Variants in ARHGEF1 observed in about 807,000 individuals in gnomAD.
The protein encoded by ARHGEF1 is 115 kDa guanine nucleotide exchange factor.
Under a neutral mutation model 119.7 loss-of-function variants are expected in ARHGEF1, and 40 were observed. That is an observed-to-expected ratio of 0.33 (90% confidence interval 0.26 to 0.44). The LOEUF (loss-of-function observed/expected upper bound fraction) is 0.44, where lower values mean the gene tolerates loss of function less well. Among genes scored for constraint, ARHGEF1 ranks in the 20% least tolerant of loss-of-function variants. The pLI, the probability that ARHGEF1 is intolerant of heterozygous loss-of-function variation, is 1.00. For missense variants in ARHGEF1, 976 were observed against 1,268.3 expected, an observed-to-expected ratio of 0.77 and a Z score of 3.50; for synonymous variants, 494 against 521.0, an observed-to-expected ratio of 0.95 and a Z score of 0.71.
In ARHGEF1 at chr19:41,892,341, T is replaced by A; in HGVS notation, c.335T>A (p.Val112Glu). The A allele has an allele frequency of 1.9e-6, 3 of 1,613,966 alleles. No individual in the cohort carries two copies. Among genetic ancestry groups the A allele is most frequent in the Non-Finnish European group, 2.5e-6 (3 of 1,180,024 alleles). ...CTCTCTCTTGAGCAGGTTCTCCGGG[T>A]GCCGGTCCCTCCCAACGTCGCCTTT... ...SFLEKTAVLRVPVPPNVAFEL... is the reference protein window; with the variant it reads ...SFLEKTAVLREPVPPNVAFEL... Residue 112 changes from valine (V) to glutamate (E), a missense_variant, in exon 6 of 29, where the codon GTG becomes GAG. By Grantham distance (121) the Val-to-Glu change is moderately radical. Around this residue, in one of 3 missense-constraint regions of ARHGEF1, gnomAD observed 519 missense variants for 580.9 expected, o/e 0.89. Transcript: ENST00000354532. The surrounding 1 kb of genome is among the most constrained non-coding windows in gnomAD (Gnocchi z 6.3).
At position 41,905,473 on chromosome 19, in the gene ARHGEF1, C is replaced by CGTGTATGGTGTGT; in HGVS notation, c.2336+220_2336+232dup. Reference sequence around the variant, plus strand: ...GCATGTGTGCGTGTGCATGTGTGTGCGTGTATGGTGTGTGTGTATGCATAT... The same window carrying CGTGTATGGTGTGT: ...GCATGTGTGCGTGTGCATGTGTGTGCGTGTATGGTGTGTGTGTATGGTGTGTGTGTATGCATAT... On this transcript the variant is annotated intron_variant, in intron 24 of 28. Transcript: ENST00000354532. This position sits in a 1 kb window ranked among gnomAD's most constrained non-coding sequence, Gnocchi z 6.4. 1.6e-6 allele frequency: 1 copy of CGTGTATGGTGTGT among 614,054 alleles called. No individual in the cohort carries two copies. Among genetic ancestry groups the CGTGTATGGTGTGT allele is most frequent in the Non-Finnish European group, 2.9e-6 (1 of 349,452 alleles). 38.0% of individuals were successfully genotyped at this position (614,054 alleles called of 1,614,324 possible). A position where few individuals can be genotyped will look rare whatever the true frequency, so the allele number is the denominator to read the frequency against.
chr19:41,903,430 C>G lies in ARHGEF1; in HGVS notation c.1839+23C>G. ...CTGGTGAGCCTGGGCTGGCCCCACA[C>G]CCGGGACAGTGGATGGTGTGAGAGC... On this transcript the variant is annotated intron_variant, in intron 19 of 28. Coordinates refer to ENST00000354532, the MANE Select transcript of ARHGEF1 (RefSeq NM_004706.4). This position sits in a 1 kb window ranked among gnomAD's most constrained non-coding sequence, Gnocchi z 4.2. The G allele has an allele frequency of 6.2e-7, 1 of 1,608,384 alleles. No homozygotes were observed. The highest frequency in any genetic ancestry group is 8.5e-7 in the Non-Finnish European group (1 of 1,175,366).
intron 18 of ARHGEF1, among the ~76,000 whole-genome samples, chr19:41,913,886 AG>A (rs2074769921): frequency 7.7e-6 from 1 of 129,604 alleles, no homozygotes. Context: ...CCCTCCCCTC[AG>A]GCACTTCAGC....
chr19:41,890,529 C>T (rs1977477874), intron 4 of ARHGEF1: 2 of 152,068 alleles, frequency 1.3e-5, no homozygotes, highest in African/African-American at 4.8e-5. Context: ...GCATATAATC[C>T]CAGCACTTTG....
chr19:41,915,865 C>T (rs76496218), intron 18 of ARHGEF1, among the ~76,000 whole-genome samples: 3,485 of 152,266 alleles, frequency 0.023, 138 homozygotes, highest in African/African-American at 0.078. Flanking sequence ...CCTGGCAGGA[C>T]GGCCGGACAG....
rs140922185 is a variant in ARHGEF1 at position 41,896,234 on chromosome 19, C to T, written c.1016-143C>T. 3.4e-3 allele frequency: 1,543 copies of T among 449,508 alleles called. 13 individuals are homozygous for T. The highest frequency in any genetic ancestry group is 0.017 in the African/African-American group (821 of 49,468). The allele number at this position is 449,508 out of a possible 1,614,324, so 27.8% of individuals were successfully genotyped here. ...TGTTCTGAGAGGTCTTAACATCTGTCCGTCCCGTGCTGAAGTACAGAGCAG... is the reference window on the plus strand; with the variant it reads ...TGTTCTGAGAGGTCTTAACATCTGTTCGTCCCGTGCTGAAGTACAGAGCAG... On this transcript the variant is annotated intron_variant, in intron 12 of 28. Coordinates refer to ENST00000354532, the MANE Select transcript of ARHGEF1 (RefSeq NM_004706.4).
intron 8 of ARHGEF1, among the ~76,000 whole-genome samples, chr19:41,893,959 G>GGGA (rs1465167753): frequency 6.6e-6 from 1 of 151,788 alleles, no homozygotes; most frequent in Non-Finnish European, 1.5e-5. Context: ...CTGGGTCTGA[G>GGGA]GGAGGAGGAG....
In ARHGEF1 at chr19:41,894,382, A is replaced by G. The variant is rs991215252; in HGVS notation, c.745-69A>G. On this transcript the variant is annotated intron_variant, in intron 9 of 28. Transcript: ENST00000354532. ...GGGAGCCTCATGACTCTGGATACCT[A>G]GCGTCAAATTCTGCTTTGTTGTTGT... 8.6e-5 allele frequency: 131 copies of G among 1,517,972 alleles called. 1 individual carries two copies. The Admixed American group carries it at 2.7e-3, about 32-fold the overall frequency. The allele number at this position is 1,517,972 out of a possible 1,614,324, so 94.0% of individuals were successfully genotyped here.
In ARHGEF1 at chr19:41,916,513, GAAAC is replaced by G. The variant is rs1395739322; in HGVS notation, c.1866-6575_1866-6572del. ...TGACACATCAATTCAATCTCACACA[GAAAC>G]AAAGACACAAAATCACAAATCCTAG... On this transcript the variant is annotated intron_variant, in intron 18 of 20. Transcript: ENST00000599589. This position sits in a 1 kb window ranked among gnomAD's most constrained non-coding sequence, Gnocchi z 5.4. Among the ~76,000 whole-genome samples the G allele has an allele frequency of 2.0e-5, 3 of 151,924 alleles. No individual in the cohort carries two copies. Among genetic ancestry groups the G allele is most frequent in the Non-Finnish European group, 1.5e-5 (1 of 67,982 alleles).
Position 41,903,166 on chromosome 19 carries a change from C to T in ARHGEF1, c.1739-141C>T. 1.4e-6 allele frequency: 1 copy of T among 737,238 alleles called. No homozygotes were observed. Among genetic ancestry groups the T allele is most frequent in the South Asian group, 1.7e-5 (1 of 58,468 alleles). 45.7% of individuals were successfully genotyped at this position (737,238 alleles called of 1,614,324 possible). A position where few individuals can be genotyped will look rare whatever the true frequency, so the allele number is the denominator to read the frequency against. On this transcript the variant is annotated intron_variant, in intron 18 of 28. Coordinates refer to ENST00000354532, the MANE Select transcript of ARHGEF1 (RefSeq NM_004706.4). This position sits in a 1 kb window ranked among gnomAD's most constrained non-coding sequence, Gnocchi z 4.2. ...TGAACTCCTGGTCTCAAGCTATCCT[C>T]CCGCCTCAGCCTCCCAAAGTGCTTG...
intron 1 of ARHGEF1, among the ~76,000 whole-genome samples, chr19:41,885,017 C>T (rs1348726115): frequency 6.6e-6 from 1 of 152,124 alleles, no homozygotes; most frequent in African/African-American, 2.4e-5. Context: ...CATTATAGAC[C>T]CTGAGACCTC....
chr19:41,919,734 C>T (rs1555852259), upstream of ARHGEF1, among the ~76,000 whole-genome samples: 2 of 152,206 alleles, frequency 1.3e-5, no homozygotes, highest in East Asian at 3.8e-4. Flanking sequence ...GTCGCACTCA[C>T]TTGGTCCTTC....
At chr19:41,927,088 A>T (rs1599682912) in intron 1 of ARHGEF1, among the ~76,000 whole-genome samples, 1 of 151,958 alleles carries the variant, frequency 6.6e-6, no homozygotes, top group South Asian at 2.1e-4. Flanking sequence ...GAAGAGAGAG[A>T]TGCTGTGAGA....
chr19:41,894,546 G>C lies in ARHGEF1; in HGVS notation c.840G>C (p.Gln280His). The change falls in exon 10 of 29, where the codon CAG becomes CAC. Residue 280 changes from glutamine (Q) to histidine (H), a missense_variant and splice_region_variant. By Grantham distance (24) the Gln-to-His change is conservative. Coordinates refer to ENST00000354532, the MANE Select transcript of ARHGEF1 (RefSeq NM_004706.4). ...CCCGCTGGAACCGGGGAGAGCCCCA[G>C]GGTAAGGCGGCTCTGGCCTCTGCCC... ...DAARWNRGEP[Q>H]VPDFRHLKAE... 6.2e-7 allele frequency: 1 copy of C among 1,613,560 alleles called. No homozygotes were observed. The highest frequency in any genetic ancestry group is 8.5e-7 in the Non-Finnish European group (1 of 1,179,622).
intron 8 of ARHGEF1, 35 bp from the exon 9 acceptor site, chr19:41,894,170 TTG>T: frequency 1.6e-6 from 1 of 621,340 alleles, no homozygotes; most frequent in Non-Finnish European, 2.4e-6. Flanking sequence ...GTGTGTGTCT[TTG>T]TGTGTGTTGA....
In ARHGEF1 at chr19:41,888,878, C is replaced by G; in HGVS notation, c.225+13C>G. ...GCCAGGACCCCTGGTGAGGGCAGGGCTGGGTGGGCACAGGGAGGGGTGGGG... is the reference window on the plus strand; with the variant it reads ...GCCAGGACCCCTGGTGAGGGCAGGGGTGGGTGGGCACAGGGAGGGGTGGGG... On this transcript the variant is annotated intron_variant, in intron 4 of 28. Transcript: ENST00000354532. This position sits in a 1 kb window ranked among gnomAD's most constrained non-coding sequence, Gnocchi z 5.1. 2 of 1,587,928 alleles carry G rather than the reference C, an allele frequency of 1.3e-6. No homozygotes were observed. Among genetic ancestry groups the G allele is most frequent in the Non-Finnish European group, 1.7e-6 (2 of 1,159,580 alleles).
In ARHGEF1 at chr19:41,892,144, C is replaced by T. The variant is rs782802836; in HGVS notation, c.324+21C>T. On this transcript the variant is annotated intron_variant, in intron 5 of 28. Coordinates refer to ENST00000354532, the MANE Select transcript of ARHGEF1 (RefSeq NM_004706.4). The surrounding 1 kb of genome is among the most constrained non-coding windows in gnomAD (Gnocchi z 6.3). Reference sequence around the variant, plus strand: ...CAGCGGTGAGAGACCTTCAAGCTGCCCCAACCCTGCAATCCCTGTTTGGGC... The same window carrying T: ...CAGCGGTGAGAGACCTTCAAGCTGCTCCAACCCTGCAATCCCTGTTTGGGC... The T allele has an allele frequency of 1.2e-6, 2 of 1,604,628 alleles. No homozygotes were observed. The highest frequency in any genetic ancestry group is 1.7e-6 in the Non-Finnish European group (2 of 1,173,344).
intron 12 of ARHGEF1, 117 bp downstream of exon 12, chr19:41,895,603 C>A: frequency 8.7e-7 from 1 of 1,145,862 alleles, no homozygotes; most frequent in South Asian, 1.6e-5. Flanking sequence ...CCCCTTTGCT[C>A]TCAGCATCCA....
At chr19:41,884,067 G>A (rs574486502) in intron 1 of ARHGEF1, among the ~76,000 whole-genome samples, 34 of 152,350 alleles carry the variant, frequency 2.2e-4, no homozygotes, top group Non-Finnish European at 4.9e-4. Context: ...TAAGTGGGGA[G>A]ACTAATAGGA....
Sources: gnomAD v4.1 joint callset for allele counts (sites outside exome capture counted in the v4.1 genomes callset) on GRCh38, gnomAD v4.1.1 for gene constraint, gnomAD v4.1.1 regional missense constraint, Gnocchi (gnomAD v3.1) non-coding constraint, MANE v1.5 for transcripts, NCBI Gene and HGNC (gene_info 2026-07-23, HGNC 2026-07-21) for gene names.